The following ASB3 variants were observed in gnomAD, a reference collection of about 807,000 sequenced individuals.
ASB3 encodes the protein ankyrin repeat and SOCS box containing 3, also known as ankyrin repeat and SOCS box protein 3.
A neutral mutation model predicts 54.5 loss-of-function variants in ASB3; 41 were observed. That is an observed-to-expected ratio of 0.75 (90% CI 0.59 to 0.98). The LOEUF (loss-of-function observed/expected upper bound fraction) is 0.98, where lower values mean the gene tolerates loss of function less well. Among genes scored for constraint, ASB3 ranks in the 50% least tolerant of loss-of-function variants. The pLI, the probability that ASB3 is intolerant of heterozygous loss-of-function variation, is 0.00. For missense variants in ASB3, 733 were observed against 620.0 expected (o/e 1.18, Z -1.94); for synonymous variants, 266 against 221.2 (o/e 1.20, Z -1.80).
At chr2:53,720,035 C>A (rs1405236251) in intron 5 of ASB3, among the ~76,000 whole-genome samples, 1 of 152,094 alleles carries the variant, frequency 6.6e-6, no homozygotes, top group Non-Finnish European at 1.5e-5. Context: ...AGGAATTTCC[C>A]TGTGGACGAA....
At chr2:53,730,231 G>T (rs184592147) in intron 3 of ASB3, among the ~76,000 whole-genome samples, 1 of 152,256 alleles carries the variant, frequency 6.6e-6, no homozygotes, top group East Asian at 1.9e-4. Context: ...AAAACAGAAT[G>T]CCAGAATAGA....
rs758613686 is a variant in ASB3 at position 53,670,680 on chromosome 2, T to C, written c.1380A>G (p.Pro460=). 1.2e-6 allele frequency: 2 copies of C among 1,609,100 alleles called. No individual in the cohort carries two copies. The highest frequency in any genetic ancestry group is 1.7e-6 in the Non-Finnish European group (2 of 1,177,728). ...WILQQHIATV[P]SLTHLCRLEI... ...CCAAACGACAAAGATGGGTCAGGGA[T>C]GGAACAGTGGCTGGAGAAACAAAAA... The change falls in exon 10 of 10, where the codon CCA becomes CCG. Residue 460 remains proline (P), a synonymous_variant. Coordinates refer to ENST00000263634, the MANE Select transcript of ASB3 (RefSeq NM_016115.5).
intron 3 of ASB3, among the ~76,000 whole-genome samples, chr2:53,731,604 TG>T (rs1671319353): frequency 6.6e-6 from 1 of 152,132 alleles, no homozygotes; most frequent in South Asian, 2.1e-4. Flanking sequence ...TAATTTGGGG[TG>T]GCTCTCAGGT....
At chr2:53,716,280 C>T (rs572043370) in intron 6 of ASB3, among the ~76,000 whole-genome samples, 29 of 152,030 alleles carry the variant, frequency 1.9e-4, no homozygotes, top group Non-Finnish European at 3.8e-4. Flanking sequence ...GAGGAGGCGG[C>T]GGATACAGCC....
intron 9 of ASB3, among the ~76,000 whole-genome samples, chr2:53,693,580 A>G (rs1350232027): frequency 1.3e-5 from 2 of 152,208 alleles, no homozygotes; most frequent in African/African-American, 4.8e-5. Context: ...GCAGATTTTT[A>G]GGACCTACTT....
At chr2:53,774,184 GA>G in intron 1 of ASB3, 1 of 1,612,714 alleles carries the variant, frequency 6.2e-7, no homozygotes. Flanking sequence ...AGTAGGAAAG[GA>G]AGAAGAAGTA....
chr2:53,675,959 G>A (rs1319879915), intron 9 of ASB3, among the ~76,000 whole-genome samples: 1 of 152,160 alleles, frequency 6.6e-6, no homozygotes, highest in Non-Finnish European at 1.5e-5. Context: ...CAGTTAAAAT[G>A]TCATCTCTTC....
At chr2:53,699,742 C>A (rs1669381079) in intron 8 of ASB3, among the ~76,000 whole-genome samples, 1 of 152,096 alleles carries the variant, frequency 6.6e-6, no homozygotes, top group African/African-American at 2.4e-5. Context: ...TCTTCTTGCC[C>A]CCCAAAAAAT....
At chr2:53,711,840 T>C (rs1670115986) in intron 7 of ASB3, among the ~76,000 whole-genome samples, 3 of 152,188 alleles carry the variant, frequency 2.0e-5, no homozygotes, top group Admixed American at 2.0e-4. Flanking sequence ...GTTACCACTC[T>C]CTTTCATAAT....
At chr2:53,727,775 G>A (rs1671087850) in intron 5 of ASB3, among the ~76,000 whole-genome samples, 1 of 152,172 alleles carries the variant, frequency 6.6e-6, no homozygotes, top group East Asian at 1.9e-4. Context: ...GCCCAGGCTG[G>A]AGTGCAGTGG....
At chr2:53,737,658 A>G (rs1384537261) in intron 3 of ASB3, among the ~76,000 whole-genome samples, 1 of 147,690 alleles carries the variant, frequency 6.8e-6, no homozygotes, top group African/African-American at 2.5e-5. Context: ...GGTACTTGTG[A>G]GAGGAAGGGG....
At position 53,728,912 on chromosome 2, in the gene ASB3, T is replaced by TA. The variant is rs1671151050; in HGVS notation, c.469-66dup. On this transcript the variant is annotated intron_variant, in intron 4 of 9. Transcript: ENST00000263634. ...AGAAAATAGAAGGTATCTTTCTTCT[T>TA]ACTGTGTTTTTTTTTTCTTTTTTAT... 6 of 1,484,812 alleles carry TA rather than the reference T, an allele frequency of 4.0e-6. No homozygotes were observed. In the Admixed American group the frequency reaches 1.4e-4, roughly 34 times the overall value. The allele number at this position is 1,484,812 out of a possible 1,614,324, so 92.0% of individuals were successfully genotyped here.
intron 2 of ASB3, among the ~76,000 whole-genome samples, chr2:53,758,116 T>G (rs1672938155): frequency 6.6e-6 from 1 of 152,228 alleles, no homozygotes; most frequent in Admixed American, 6.5e-5. Context: ...ATTTAAAACC[T>G]ATAATTGATA....
intron 6 of ASB3, among the ~76,000 whole-genome samples, chr2:53,715,911 T>C (rs781521067): frequency 1.3e-5 from 2 of 152,204 alleles, no homozygotes; most frequent in Non-Finnish European, 2.9e-5. Context: ...TATAGAATTA[T>C]GGCTCTAAAG....
intron 3 of ASB3, among the ~76,000 whole-genome samples, chr2:53,747,443 G>T (rs907105976): frequency 2.0e-5 from 3 of 152,188 alleles, no homozygotes; most frequent in Non-Finnish European, 4.4e-5. Context: ...CTACTCGGGA[G>T]GCTGAGGCAG....
intron 1 of ASB3, among the ~76,000 whole-genome samples, chr2:53,780,103 T>A (rs1674560828): frequency 1.3e-5 from 2 of 152,210 alleles, no homozygotes; most frequent in Non-Finnish European, 2.9e-5. Flanking sequence ...ATACACGCTC[T>A]ACTGTGCACT....
intron 5 of ASB3, among the ~76,000 whole-genome samples, chr2:53,720,007 T>C (rs539106971): frequency 1.3e-5 from 2 of 152,228 alleles, no homozygotes; most frequent in South Asian, 2.1e-4. Context: ...TTAGAAAAAG[T>C]TACGTACCTC....
intron 2 of ASB3, among the ~76,000 whole-genome samples, chr2:53,764,735 C>T (rs1451014310): frequency 6.6e-6 from 1 of 152,196 alleles, no homozygotes; most frequent in Non-Finnish European, 1.5e-5. Flanking sequence ...TGGCCGATCC[C>T]AAGCATGAAG....
At chr2:53,682,633 C>T (rs371589078) in intron 9 of ASB3, among the ~76,000 whole-genome samples, 4 of 152,042 alleles carry the variant, frequency 2.6e-5, no homozygotes, top group South Asian at 2.1e-4. Flanking sequence ...CCTACCACCA[C>T]GCCCGGCTAA....
Sources: allele counts gnomAD v4.1 joint callset (sites outside exome capture counted in the v4.1 genomes callset), GRCh38; gene constraint gnomAD v4.1.1; transcripts MANE v1.5; gene names NCBI Gene and HGNC (gene_info 2026-07-23, HGNC 2026-07-21).